The following HAPLN2 variants were observed in gnomAD, a reference collection of about 807,000 sequenced individuals.
The protein encoded by HAPLN2 is hyaluronan and proteoglycan link protein 2, also known as brain link protein-1.
HAPLN2 carries 27 observed loss-of-function variants against 29.3 expected under a neutral mutation model. The observed-to-expected ratio is 0.92, with a 90% confidence interval of 0.68 to 1.27. The LOEUF (loss-of-function observed/expected upper bound fraction) is 1.27, where lower values mean the gene tolerates loss of function less well. HAPLN2 is among the 50% of genes most tolerant of loss of function. The pLI is 0.00. For missense variants in HAPLN2, 454 were observed against 484.3 expected (o/e 0.94, Z 0.59); for synonymous variants, 208 against 211.7 (o/e 0.98, Z 0.15).
At chr1:156,601,628 G>A in the HAPLN2 span, 3 of 638,846 alleles carry the variant, frequency 4.7e-6, no homozygotes, top group African/African-American at 3.7e-5. Context: ...ATTTTCGGAG[G>A]TTCCGAGGCT....
chr1:156,625,237 C>CGGCTGGCT lies in HAPLN2; in HGVS notation c.882_889dup (p.Asp297GlyfsTer120), dbSNP rs1225554775. 1.9e-6 allele frequency: 3 copies of CGGCTGGCT among 1,572,450 alleles called. No homozygotes were observed. Among genetic ancestry groups the CGGCTGGCT allele is most frequent in the Non-Finnish European group, 2.6e-6 (3 of 1,160,064 alleles). On this transcript the variant is annotated frameshift_variant, in exon 7 of 7. Transcript: ENST00000255039. LOFTEE classifies it low-confidence loss of function (END_TRUNC). The surrounding 1 kb of genome is among the most constrained non-coding windows in gnomAD (Gnocchi z 5.7). ...TTTCGGGGCTAGACCAGTGCGACGG[C>CGGCTGGCT]GGCTGGCTGGCTGACGGCAGTGTGC...
At chr1:156,606,936 T>C in the HAPLN2 span, among the ~76,000 whole-genome samples, 82 of 152,146 alleles carry the variant, frequency 5.4e-4, no homozygotes, top group Non-Finnish European at 1.1e-3. Context: ...CTGGTGTTTT[T>C]TCATAATAAT....
Position 156,625,364 on chromosome 1 carries a change from T to C in HAPLN2, c.1003T>C (p.Tyr335His). The C allele has an allele frequency of 4.4e-6, 7 of 1,599,674 alleles. No homozygotes were observed. Among genetic ancestry groups the C allele is most frequent in the Non-Finnish European group, 5.1e-6 (6 of 1,173,486 alleles). The part of the protein sequence containing the change: ...PRPQQAAYGT[Y>H]CYAEN ...GCCCCAACAGGCAGCCTATGGGACC[T>C]ACTGCTACGCCGAGAATTAGGCGCC... is the stretch of plus-strand genomic sequence containing the variant. Residue 335 changes from tyrosine to histidine, a missense_variant, in exon 7 of 7, where the codon TAC becomes CAC. Around this residue, in one of 3 missense-constraint regions of HAPLN2, gnomAD observed 235 missense variants for 236.9 expected, o/e 0.99. Transcript: ENST00000255039. The surrounding 1 kb of genome is among the most constrained non-coding windows in gnomAD (Gnocchi z 5.7).
At chr1:156,613,106 T>C in the HAPLN2 span, among the ~76,000 whole-genome samples, 6 of 152,064 alleles carry the variant, frequency 3.9e-5, no homozygotes, top group Non-Finnish European at 7.4e-5. Flanking sequence ...ATCCCAGCAC[T>C]TTGGGAGGCC....
At chr1:156,611,098 C>A in the HAPLN2 span, among the ~76,000 whole-genome samples, 6 of 149,948 alleles carry the variant, frequency 4.0e-5, no homozygotes, top group Non-Finnish European at 8.9e-5. Flanking sequence ...CCTGGGCAAC[C>A]TGGTGAATCC....
At chr1:156,624,509 G>A (rs1461827518) in intron 5 of HAPLN2, 42 bp downstream of exon 5, 2 of 1,606,468 alleles carry the variant, frequency 1.2e-6, no homozygotes, top group Non-Finnish European at 1.7e-6. Flanking sequence ...CCGCGGAGCT[G>A]TCTCAGGGGC....
chr1:156,601,820 A>G, the HAPLN2 span, among the ~76,000 whole-genome samples: 1 of 140,654 alleles, frequency 7.1e-6, no homozygotes, highest in Non-Finnish European at 1.6e-5. Flanking sequence ...GAGGCAGAGT[A>G]GGTGATAGCT....
intron 2 of HAPLN2, among the ~76,000 whole-genome samples, chr1:156,623,044 ATAAATAAAT>A: frequency 7.2e-6 from 1 of 138,742 alleles, no homozygotes; most frequent in African/African-American, 2.8e-5. Flanking sequence ...AAAAAAATAA[ATAAATAAAT>A]AAATAAATAA....
upstream of HAPLN2, among the ~76,000 whole-genome samples, chr1:156,617,450 C>A (rs983263486): frequency 6.7e-6 from 1 of 150,076 alleles, no homozygotes; most frequent in Non-Finnish European, 1.5e-5. Flanking sequence ...TGGGTTCAAG[C>A]GATTTTCCCA....
chr1:156,607,664 A>T, the HAPLN2 span, among the ~76,000 whole-genome samples: 1 of 152,156 alleles, frequency 6.6e-6, no homozygotes, highest in Non-Finnish European at 1.5e-5. Context: ...AATCCTAAAA[A>T]TTAAGGCACT....
At chr1:156,611,068 G>A in the HAPLN2 span, among the ~76,000 whole-genome samples, 1 of 151,896 alleles carries the variant, frequency 6.6e-6, no homozygotes, top group African/African-American at 2.4e-5. Flanking sequence ...GGTCCCTTGA[G>A]CCTAGGAGTT....
At chr1:156,615,462 A>T (rs1471143899), upstream of HAPLN2, among the ~76,000 whole-genome samples, 1 of 152,088 alleles carries the variant, frequency 6.6e-6, no homozygotes, top group Non-Finnish European at 1.5e-5. Flanking sequence ...AGGATGAGGC[A>T]GGAGAATCAC....
the HAPLN2 span, among the ~76,000 whole-genome samples, chr1:156,605,598 C>CAAAAAAAA: frequency 1.4e-4 from 9 of 63,786 alleles, no homozygotes; most frequent in East Asian, 5.4e-4. Context: ...GACTTGGTCT[C>CAAAAAAAA]AAAAAAAAAA....
At chr1:156,610,967 T>C in the HAPLN2 span, among the ~76,000 whole-genome samples, 2 of 152,170 alleles carry the variant, frequency 1.3e-5, no homozygotes, top group Non-Finnish European at 2.9e-5. Context: ...CTTTCATGTG[T>C]GTATGGATTT....
chr1:156,605,598 C>CAAAAAAAAAA, the HAPLN2 span, among the ~76,000 whole-genome samples: 1 of 63,828 alleles, frequency 1.6e-5, no homozygotes, highest in Non-Finnish European at 2.6e-5. Context: ...GACTTGGTCT[C>CAAAAAAAAAA]AAAAAAAAAA....
At chr1:156,616,953 G>C (rs1240455459), upstream of HAPLN2, among the ~76,000 whole-genome samples, 2 of 152,012 alleles carry the variant, frequency 1.3e-5, no homozygotes, top group African/African-American at 4.8e-5. Context: ...GCTGGGTGTG[G>C]TGGTGCACAT....
chr1:156,621,075 C>T (rs981278386), intron 2 of HAPLN2, among the ~76,000 whole-genome samples: 3 of 148,946 alleles, frequency 2.0e-5, no homozygotes, highest in African/African-American at 4.9e-5. Context: ...ATTTGGAAAA[C>T]GAATGCAGTG....
In HAPLN2 at chr1:156,625,121, G is replaced by C. The variant is rs921137955; in HGVS notation, c.760G>C (p.Gly254Arg). 3.2e-6 allele frequency: 5 copies of C among 1,539,574 alleles called. No individual in the cohort carries two copies. The highest frequency in any genetic ancestry group is 4.4e-6 in the Non-Finnish European group (5 of 1,146,596). ...ALAGQVFFVP[G>R]RLTLSEAHAA... Reference sequence around the variant, plus strand: ...CCCAGGCCAAGTGTTCTTCGTGCCCGGGCGGCTGACGCTGTCTGAAGCCCA... The same window carrying C: ...CCCAGGCCAAGTGTTCTTCGTGCCCCGGCGGCTGACGCTGTCTGAAGCCCA... The change falls in exon 7 of 7, where the codon GGG (glycine) becomes CGG (arginine). Residue 254 changes from glycine (G) to arginine (R), a missense_variant. Around this residue, in one of 3 missense-constraint regions of HAPLN2, gnomAD observed 235 missense variants for 236.9 expected, o/e 0.99. Coordinates refer to ENST00000255039, the MANE Select transcript of HAPLN2 (RefSeq NM_021817.3). The surrounding 1 kb of genome is among the most constrained non-coding windows in gnomAD (Gnocchi z 5.7).
chr1:156,605,493 T>G, the HAPLN2 span, among the ~76,000 whole-genome samples: 3 of 143,898 alleles, frequency 2.1e-5, no homozygotes, highest in Non-Finnish European at 4.5e-5. Flanking sequence ...CCAGCTACTC[T>G]GGAGGCTGGG....
Sources: gnomAD v4.1 joint callset for allele counts (sites outside exome capture counted in the v4.1 genomes callset) on GRCh38, gnomAD v4.1.1 for gene constraint, gnomAD v4.1.1 regional missense constraint, Gnocchi (gnomAD v3.1) non-coding constraint, MANE v1.5 for transcripts, NCBI Gene and HGNC (gene_info 2026-07-23, HGNC 2026-07-21) for gene names.